The following FREM3 variants were observed in gnomAD, a reference collection of about 807,000 sequenced individuals.
FREM3 encodes FRAS1 related extracellular matrix 3.
Under a neutral mutation model 129.1 loss-of-function variants are expected in FREM3, and 105 were observed. That is an observed-to-expected ratio of 0.81 (90% CI 0.69 to 0.96). FREM3 has a LOEUF of 0.96. FREM3 is among the 40% of genes least tolerant of loss of function. The pLI, the probability that FREM3 is intolerant of heterozygous loss-of-function variation, is 0.00. For missense variants in FREM3, 2,593 were observed against 2,666.3 expected, an observed-to-expected ratio of 0.97 and a Z score of 0.61; for synonymous variants, 1,014 against 1,044.9, an observed-to-expected ratio of 0.97 and a Z score of 0.57.
chr4:143,632,490 C>G (rs1198077025), intron 2 of FREM3, among the ~76,000 whole-genome samples: 2 of 152,124 alleles, frequency 1.3e-5, no homozygotes, highest in Non-Finnish European at 2.9e-5. Context: ...CTGTCATGGT[C>G]AAAGGCTACT....
At chr4:143,610,623 C>G (rs1485892226) in intron 6 of FREM3, among the ~76,000 whole-genome samples, 1 of 152,176 alleles carries the variant, frequency 6.6e-6, no homozygotes, top group Non-Finnish European at 1.5e-5. Context: ...AGTAATAAAA[C>G]AGTCTGATCC....
chr4:143,627,002 A>G (rs142577017), intron 3 of FREM3, among the ~76,000 whole-genome samples: 44 of 152,280 alleles, frequency 2.9e-4, no homozygotes, highest in African/African-American at 8.2e-4. Context: ...TGAAAATACA[A>G]TGCCTTATTA....
intron 2 of FREM3, among the ~76,000 whole-genome samples, chr4:143,676,739 A>G (rs1351241483): frequency 6.6e-6 from 1 of 152,222 alleles, no homozygotes; most frequent in South Asian, 2.1e-4. Flanking sequence ...GCATTCTTAT[A>G]CACCAATAAG....
intron 6 of FREM3, among the ~76,000 whole-genome samples, chr4:143,595,714 C>T (rs1046313369): frequency 1.3e-4 from 20 of 151,864 alleles, no homozygotes; most frequent in African/African-American, 3.9e-4. Flanking sequence ...GGTGAAACCC[C>T]GTCTCTACTA....
chr4:143,639,143 T>TA (rs953898608), intron 2 of FREM3, among the ~76,000 whole-genome samples: 1 of 152,104 alleles, frequency 6.6e-6, no homozygotes, highest in African/African-American at 2.4e-5. Flanking sequence ...GAGTTTTCAG[T>TA]AAGAAGAGAA....
At position 143,591,626 on chromosome 4, in the gene FREM3, CT is replaced by C. The variant is rs1461186064; in HGVS notation, c.6029-5634del. ...GAGACAGTTTGTTATAATTTCTGTT[CT>C]TTTACATTTTCTGAGGAGAGCTTTA... On this transcript the variant is annotated intron_variant, in intron 6 of 7. Transcript: ENST00000329798. Among the ~76,000 whole-genome samples the C allele has an allele frequency of 3.9e-5, 6 of 152,058 alleles. No individual in the cohort carries two copies. The East Asian group carries it at 1.2e-3, about 29-fold the overall frequency.
chr4:143,695,685 G>C lies in FREM3; in HGVS notation c.4991C>G (p.Thr1664Ser), dbSNP rs529285870. ...CTTCAAGGCTGGGGCACCCCTGTTG[G>C]TAGTAATCTGGGGAAGCCTATTGTC... ...SLDNRLPQIT[T>S]NRGAPALKRL... The change falls in exon 1 of 8, where the codon ACC (threonine) becomes AGC (serine). Residue 1664 changes from threonine to serine, a missense_variant. Transcript: ENST00000329798. 311 of 1,537,220 alleles carry C rather than the reference G, an allele frequency of 2.0e-4. 3 individuals carry two copies. The South Asian group carries it at 3.5e-3, about 17-fold the overall frequency.
At chr4:143,622,029 A>G (rs1474621768) in intron 4 of FREM3, among the ~76,000 whole-genome samples, 2 of 151,940 alleles carry the variant, frequency 1.3e-5, no homozygotes, top group Non-Finnish European at 2.9e-5. Context: ...TATGTTACAT[A>G]TACATGTAGA....
chr4:143,645,387 TA>T lies in FREM3; in HGVS notation c.5276-17628del, dbSNP rs142668860. Among the ~76,000 whole-genome samples, 1,017 of 152,324 alleles carry T rather than the reference TA, an allele frequency of 6.7e-3. 15 individuals are homozygous for T. Among genetic ancestry groups the T allele is most frequent in the African/African-American group, 0.023 (973 of 41,560 alleles). ...AGTTAATTTCATGTGTCAATGCAGC[TA>T]GGCTATGGTGCTCAGTCTAGATGTT... On this transcript the variant is annotated intron_variant, in intron 2 of 7. Transcript: ENST00000329798.
At chr4:143,669,157 T>C (rs547757078) in intron 2 of FREM3, among the ~76,000 whole-genome samples, 1 of 152,304 alleles carries the variant, frequency 6.6e-6, no homozygotes, top group East Asian at 1.9e-4. Flanking sequence ...GGAGTGGCTT[T>C]ATTTTCTCTA....
intron 6 of FREM3, among the ~76,000 whole-genome samples, chr4:143,605,688 C>T (rs879521591): frequency 6.6e-6 from 1 of 152,156 alleles, no homozygotes; most frequent in Admixed American, 6.5e-5. Context: ...TCCTTATTCT[C>T]TTCCTCCCTC....
chr4:143,580,061 T>C (rs1284257321), intron 7 of FREM3, among the ~76,000 whole-genome samples: 1 of 152,146 alleles, frequency 6.6e-6, no homozygotes, highest in Non-Finnish European at 1.5e-5. Flanking sequence ...CATGGATACA[T>C]ACACAGTGAG....
rs1253093407 is a variant in FREM3 at position 143,699,555 on chromosome 4, A to G, written c.1121T>C (p.Val374Ala). 6.5e-7 allele frequency: 1 copy of G among 1,536,938 alleles called. No individual in the cohort carries two copies. Among genetic ancestry groups the G allele is most frequent in the Non-Finnish European group, 8.7e-7 (1 of 1,146,772 alleles). ...CAGCTCCTGCTGGGTGAAGAAGGAGACTGGAAGCCCTAGAGGGTCGTCGGT... is the reference window on the plus strand; with the variant it reads ...CAGCTCCTGCTGGGTGAAGAAGGAGGCTGGAAGCCCTAGAGGGTCGTCGGT... ...VSTDDPLGLP[V>A]SFFTQQELRE... Residue 374 changes from valine (V) to alanine (A), a missense_variant, in exon 1 of 8, where the codon GTC becomes GCC. Val to Ala is a moderately conservative substitution (Grantham distance 64). Coordinates refer to ENST00000329798, the MANE Select transcript of FREM3 (RefSeq NM_001168235.2). This position sits in a 1 kb window ranked among gnomAD's most constrained non-coding sequence, Gnocchi z 4.2.
chr4:143,584,472 G>A (rs1230923417), intron 7 of FREM3, among the ~76,000 whole-genome samples: 1 of 151,542 alleles, frequency 6.6e-6, no homozygotes, highest in Admixed American at 6.6e-5. Flanking sequence ...AAAAGCAGGG[G>A]TTGCTATTCT....
At chr4:143,691,717 G>GA (rs1050317149) in intron 2 of FREM3, among the ~76,000 whole-genome samples, 2 of 152,174 alleles carry the variant, frequency 1.3e-5, no homozygotes, top group Non-Finnish European at 2.9e-5. Context: ...CTAGCTCACA[G>GA]AAAAAAGTTA....
intron 6 of FREM3, 128 bp downstream of exon 6, chr4:143,611,151 T>A (rs1043182636): frequency 3.8e-5 from 39 of 1,038,956 alleles, no homozygotes; most frequent in Middle Eastern, 6.3e-4. Flanking sequence ...ACTCACAGTT[T>A]TTGGAGATAA....
rs1263809563 is a variant in FREM3 at position 143,585,209 on chromosome 4, C to G, written c.6178+635G>C. Among the ~76,000 whole-genome samples, 1 of 152,192 alleles carries G rather than the reference C, an allele frequency of 6.6e-6. No homozygotes were observed. The highest frequency in any genetic ancestry group is 1.5e-5 in the Non-Finnish European group (1 of 68,028). ...ATAAAATTAACAACCTAACACCACA[C>G]CAAAAGGTCACAACTGCAAATGAGA... On this transcript the variant is annotated intron_variant, in intron 7 of 7. Transcript: ENST00000329798. This position sits in a 1 kb window ranked among gnomAD's most constrained non-coding sequence, Gnocchi z 4.2.
Position 143,577,414 on chromosome 4 carries a change from G to A in FREM3, c.*197C>T. ...ATGAACACAGTCTAATTATTTGTGG[G>A]CTCAATGTTTTCTAGGTATATATAT... is the stretch of plus-strand genomic sequence containing the variant. On this transcript the variant is annotated 3_prime_UTR_variant, in exon 8 of 8. Coordinates refer to ENST00000329798, the MANE Select transcript of FREM3 (RefSeq NM_001168235.2). 3 of 551,992 alleles carry A rather than the reference G, an allele frequency of 5.4e-6. No individual in the cohort carries two copies. The highest frequency in any genetic ancestry group is 9.4e-6 in the Non-Finnish European group (3 of 320,562). 34.2% of individuals were successfully genotyped at this position (551,992 alleles called of 1,614,324 possible).
At chr4:143,593,050 A>G (rs1738395140) in intron 6 of FREM3, among the ~76,000 whole-genome samples, 1 of 152,150 alleles carries the variant, frequency 6.6e-6, no homozygotes, top group South Asian at 2.1e-4. Flanking sequence ...AGGCTTGTGC[A>G]TTCATCACAT....
Sources: allele counts gnomAD v4.1 joint callset (sites outside exome capture counted in the v4.1 genomes callset), GRCh38; gene constraint gnomAD v4.1.1; non-coding constraint Gnocchi (gnomAD v3.1); transcripts MANE v1.5; gene names NCBI Gene and HGNC (gene_info 2026-07-23, HGNC 2026-07-21).